The following NDUFA10 variants were observed in gnomAD, a reference collection of about 807,000 sequenced individuals.
NDUFA10 encodes the protein NADH:ubiquinone oxidoreductase subunit A10.
NDUFA10 carries 40 observed loss-of-function variants against 47.8 expected under a neutral mutation model. That is an observed-to-expected ratio of 0.84 (90% confidence interval 0.65 to 1.09). The LOEUF is 1.09. Among genes scored for constraint, NDUFA10 ranks in the 50% least tolerant of loss-of-function variants. NDUFA10 has a pLI of 0.00. For synonymous variants in NDUFA10, 183 were observed against 172.2 expected (o/e 1.06, Z -0.49); for missense variants, 413 against 451.1 (o/e 0.92, Z 0.76).
At position 239,958,807 on chromosome 2, in the gene NDUFA10, TGC is replaced by T. The variant is rs761329231; in HGVS notation, c.*2309_*2310del. 3 of 392,090 alleles carry T rather than the reference TGC, an allele frequency of 7.7e-6. No homozygotes were observed. Among genetic ancestry groups the T allele is most frequent in the Non-Finnish European group, 1.0e-5 (3 of 287,820 alleles). 24.3% of individuals were successfully genotyped at this position (392,090 alleles called of 1,614,324 possible). ...CAGAATTCTCATGCCTGTAAACACA[TGC>T]CTGTATGAATAAAATCCAGACACAA... On this transcript the variant is annotated 3_prime_UTR_variant, in exon 10 of 10. Coordinates refer to ENST00000252711, the MANE Select transcript of NDUFA10 (RefSeq NM_004544.4).
rs1464165648 is a variant in NDUFA10, at chr2:239,987,839, C to A, written c.999+2235G>T. Among the ~76,000 whole-genome samples the A allele has an allele frequency of 1.3e-5, 2 of 152,106 alleles. No homozygotes were observed. Among genetic ancestry groups the A allele is most frequent in the Non-Finnish European group, 2.9e-5 (2 of 68,026 alleles). On this transcript the variant is annotated intron_variant, in intron 9 of 9. Transcript: ENST00000252711. This position sits in a 1 kb window ranked among gnomAD's most constrained non-coding sequence, Gnocchi z 4.8. ...GACGACCGAGATCATGCAAAACATG[C>A]GAGTGGGTACTCTGCTCTGGAACTG...
downstream of NDUFA10, among the ~76,000 whole-genome samples, chr2:239,956,579 G>A (rs530119167): frequency 9.8e-5 from 15 of 152,326 alleles, no homozygotes; most frequent in African/African-American, 3.1e-4. Context: ...GAGTCGGGAC[G>A]GCCCAGTGCT....
In NDUFA10 at chr2:240,016,390, C is replaced by G. The variant is rs1697349128; in HGVS notation, c.548-1530G>C. Among the ~76,000 whole-genome samples the G allele has an allele frequency of 6.6e-6, 1 of 152,184 alleles. No homozygotes were observed. Among genetic ancestry groups the G allele is most frequent in the South Asian group, 2.1e-4 (1 of 4,830 alleles). ...CTCTCACCCTGCTTCCCACCCTCAC[C>G]CTTACTCCTGTCAGTACACCCACTT... On this transcript the variant is annotated intron_variant, in intron 4 of 9. Coordinates refer to ENST00000252711, the MANE Select transcript of NDUFA10 (RefSeq NM_004544.4). This position sits in a 1 kb window ranked among gnomAD's most constrained non-coding sequence, Gnocchi z 4.4.
intron 4 of NDUFA10, among the ~76,000 whole-genome samples, chr2:239,939,494 T>G (rs1403383198): frequency 6.6e-6 from 1 of 152,268 alleles, no homozygotes; most frequent in Non-Finnish European, 1.5e-5. Flanking sequence ...AAGGCATTTC[T>G]GCTTTTGCCA....
chr2:239,963,913 G>A (rs901937267), intron 9 of NDUFA10, among the ~76,000 whole-genome samples: 3 of 152,186 alleles, frequency 2.0e-5, no homozygotes, highest in Non-Finnish European at 2.9e-5. Context: ...GGGGCCTCGC[G>A]TCACGGTCAC....
intron 4 of NDUFA10, among the ~76,000 whole-genome samples, chr2:239,901,333 T>C (rs1693545360): frequency 6.6e-6 from 1 of 152,200 alleles, no homozygotes; most frequent in African/African-American, 2.4e-5. Context: ...CGCCACTGCC[T>C]GGGTGACAGA....
In NDUFA10 at chr2:240,018,562, G is replaced by C. The variant is rs770846975; in HGVS notation, c.538C>G (p.Arg180Gly). The part of the protein sequence containing the change: ...LEAMYNQGFI[R>G]KQCVDHYNEV... ...TGCAATGCTGACTCACACTGCTTTC[G>C]GATGAATCCCTGGTTGTACATCGCC... is the stretch of plus-strand genomic sequence containing the variant. Residue 180 changes from arginine (R) to glycine (G), a missense_variant, in exon 4 of 10, where the codon CGA becomes GGA. Transcript: ENST00000252711. The C allele has an allele frequency of 5.6e-6, 9 of 1,614,138 alleles. No individual in the cohort carries two copies. Among genetic ancestry groups the C allele is most frequent in the Non-Finnish European group, 8.5e-7 (1 of 1,180,034 alleles).
intron 9 of NDUFA10, chr2:239,983,476 T>C: frequency 6.5e-7 from 1 of 1,542,652 alleles, no homozygotes; most frequent in Admixed American, 2.0e-5. Flanking sequence ...GCAACCGAAT[T>C]TCCTTAAACA....
intron 4 of NDUFA10, among the ~76,000 whole-genome samples, chr2:239,929,934 ACTG>A (rs1694134000): frequency 8.3e-6 from 1 of 120,070 alleles, no homozygotes; most frequent in Non-Finnish European, 1.7e-5. Flanking sequence ...CTGCTCCTCC[ACTG>A]CCCCTGCTCC....
chr2:240,006,276 T>G (rs1029842146), intron 7 of NDUFA10, among the ~76,000 whole-genome samples: 4 of 152,150 alleles, frequency 2.6e-5, no homozygotes, highest in African/African-American at 9.7e-5. Flanking sequence ...GAGGAGAAAA[T>G]GAAATGTAAT....
intron 5 of NDUFA10, chr2:240,013,567 C>A (rs1328284184): frequency 1.3e-5 from 2 of 152,208 alleles, no homozygotes; most frequent in Non-Finnish European, 2.9e-5. Context: ...TCTAGCTATA[C>A]AACATACTTA....
At chr2:239,983,730 C>T (rs2887406) in intron 9 of NDUFA10, 630,426 of 1,556,384 alleles carry the variant, frequency 0.41, 130,201 homozygotes, top group Admixed American at 0.46. Flanking sequence ...AGAGAAACAT[C>T]GGGCAACCCT....
intron 8 of NDUFA10, among the ~76,000 whole-genome samples, chr2:240,000,769 C>T (rs1009822507): frequency 6.6e-6 from 1 of 152,136 alleles, no homozygotes; most frequent in Non-Finnish European, 1.5e-5. Flanking sequence ...AAATACTTAC[C>T]GTCGTGTTAC....
chr2:239,894,945 C>T (rs1693363313), intron 5 of NDUFA10, among the ~76,000 whole-genome samples: 1 of 152,200 alleles, frequency 6.6e-6, no homozygotes, highest in Non-Finnish European at 1.5e-5. Context: ...TCCCACAACC[C>T]TGACCCCTTC....
chr2:239,906,439 C>G lies in NDUFA10; in HGVS notation c.295-11125G>C, dbSNP rs1192709191. Reference sequence around the variant, plus strand: ...CAGAGCAACAAGGGCTCCTGAAGCACCCCAGGCCTTGAGAACACCAGACGG... The same window carrying G: ...CAGAGCAACAAGGGCTCCTGAAGCAGCCCAGGCCTTGAGAACACCAGACGG... On this transcript the variant is annotated intron_variant, in intron 4 of 5. Transcript: ENST00000419408. The surrounding 1 kb of genome is among the most constrained non-coding windows in gnomAD (Gnocchi z 4.3). Among the ~76,000 whole-genome samples the G allele has an allele frequency of 2.0e-5, 3 of 152,144 alleles. No homozygotes were observed. Among genetic ancestry groups the G allele is most frequent in the African/African-American group, 7.2e-5 (3 of 41,430 alleles).
intron 4 of NDUFA10, among the ~76,000 whole-genome samples, chr2:239,905,208 T>C (rs1693624969): frequency 6.6e-6 from 1 of 152,124 alleles, no homozygotes; most frequent in South Asian, 2.1e-4. Flanking sequence ...GTGTACCCCA[T>C]GCAGTGTGAA....
intron 5 of NDUFA10, chr2:240,014,346 A>C (rs1697250212): frequency 6.1e-6 from 2 of 326,372 alleles, no homozygotes; most frequent in East Asian, 1.5e-4. Context: ...TGAAGTGATG[A>C]GGGATATTAG....
At chr2:239,943,901 A>G (rs1694401792) in intron 4 of NDUFA10, among the ~76,000 whole-genome samples, 1 of 152,052 alleles carries the variant, frequency 6.6e-6, no homozygotes, top group Admixed American at 6.5e-5. Flanking sequence ...ACAGTGATGG[A>G]GCTAAAGGCA....
chr2:239,935,539 C>A (rs1694251411), intron 4 of NDUFA10, among the ~76,000 whole-genome samples: 1 of 152,186 alleles, frequency 6.6e-6, no homozygotes, highest in Non-Finnish European at 1.5e-5. Flanking sequence ...AGGACGGGGA[C>A]TCCCTGGCTG....
Sources: allele counts gnomAD v4.1 joint callset (sites outside exome capture counted in the v4.1 genomes callset), GRCh38; gene constraint gnomAD v4.1.1; non-coding constraint Gnocchi (gnomAD v3.1); transcripts MANE v1.5; gene names NCBI Gene and HGNC (gene_info 2026-07-23, HGNC 2026-07-21).